Variants in ABCB11 observed in about 807,000 individuals in gnomAD.
ABCB11 encodes the protein bile salt export pump.
In ABCB11, 95 loss-of-function variants were observed where a neutral mutation model predicts 148.0. That is an observed-to-expected ratio of 0.64 (90% CI 0.54 to 0.76). The LOEUF (loss-of-function observed/expected upper bound fraction) is 0.76, where lower values mean the gene tolerates loss of function less well. ABCB11 is among the 30% of genes least tolerant of loss of function. ABCB11 has a pLI of 0.00. For missense variants in ABCB11, 1,523 were observed against 1,617.8 expected (o/e 0.94, Z 1.01); for synonymous variants, 591 against 555.4 (o/e 1.06, Z -0.90).
chr2:168,932,266 T>A (rs1691603852), intron 24 of ABCB11, 111 bp downstream of exon 24: 1 of 925,794 alleles, frequency 1.1e-6, no homozygotes, highest in South Asian at 1.7e-5. Flanking sequence ...GTGTTTGGTT[T>A]TCTGTTCTTG....
intron 26 of ABCB11, 54 bp downstream of exon 26, chr2:168,927,102 C>T: frequency 2.7e-6 from 4 of 1,484,768 alleles, no homozygotes; most frequent in Non-Finnish European, 3.8e-6. Context: ...TCTGGTCATT[C>T]TACTTCTCCC....
rs1558912790 is a variant in ABCB11, at chr2:168,990,879, G to T, written c.830C>A (p.Ala277Glu). 1 of 1,613,146 alleles carries T rather than the reference G, an allele frequency of 6.2e-7. No homozygotes were observed. Among genetic ancestry groups the T allele is most frequent in the Non-Finnish European group, 8.5e-7 (1 of 1,179,384 alleles). Residue 277 changes from alanine (A) to glutamate (E), a missense_variant, in exon 9 of 28, where the codon GCA becomes GAA. By Grantham distance (107) the Ala-to-Glu change is moderately radical (BLOSUM62 -1). Coordinates refer to ENST00000650372, the MANE Select transcript of ABCB11 (RefSeq NM_003742.4). ...TDYELKAYAK[A>E]GVVADEVISS... is the part of the protein sequence containing the mutation. ...AATGACTTCATCAGCCACCACCCCT[G>T]CTTTGGCATAGGCCTTCAGCTCATA... is the stretch of plus-strand genomic sequence containing the variant.
chr2:168,980,188 T>C (rs2287620), intron 10 of ABCB11, among the ~76,000 whole-genome samples: 1 of 151,606 alleles, frequency 6.6e-6, no homozygotes. Context: ...TGATTTAAAA[T>C]ACCACTTTAT....
At chr2:168,989,697 G>A (rs1020788784) in intron 9 of ABCB11, among the ~76,000 whole-genome samples, 4 of 152,144 alleles carry the variant, frequency 2.6e-5, no homozygotes, top group African/African-American at 9.6e-5. Context: ...TGATCTTAGG[G>A]GGAAAAGCTT....
chr2:168,932,372 C>T lies in ABCB11; in HGVS notation c.3213+5G>A. ...TTTATGGCTGCATAGTATTCCAACA[C>T]TTACCCATTTTTCACCTGCAGTATT... On this transcript the variant is annotated splice_donor_5th_base_variant and intron_variant, in intron 24 of 27. Transcript: ENST00000650372. 1 of 1,553,674 alleles carries T rather than the reference C, an allele frequency of 6.4e-7. No homozygotes were observed. Among genetic ancestry groups the T allele is most frequent in the Non-Finnish European group, 8.7e-7 (1 of 1,147,958 alleles).
intron 11 of ABCB11, among the ~76,000 whole-genome samples, chr2:168,978,957 T>A (rs1422050006): frequency 6.6e-6 from 1 of 151,952 alleles, no homozygotes; most frequent in Non-Finnish European, 1.5e-5. Context: ...TGGGCTCAGG[T>A]GACGCGCCCA....
chr2:168,932,362 T>A lies in ABCB11; in HGVS notation c.3213+15A>T, dbSNP rs1345507411. 1 of 1,549,464 alleles carries A rather than the reference T, an allele frequency of 6.5e-7. No homozygotes were observed. The highest frequency in any genetic ancestry group is 8.7e-7 in the Non-Finnish European group (1 of 1,144,962). On this transcript the variant is annotated intron_variant, in intron 24 of 27. Transcript: ENST00000650372. The stretch of plus-strand genomic sequence containing the variant: ...CTCATCCTTTTTTATGGCTGCATAG[T>A]ATTCCAACACTTACCCATTTTTCAC...
chr2:168,937,888 T>C (rs1400234987), intron 21 of ABCB11, among the ~76,000 whole-genome samples: 1 of 152,210 alleles, frequency 6.6e-6, no homozygotes, highest in East Asian at 1.9e-4. Flanking sequence ...ATTATATCTA[T>C]ACTAATCAGA....
Position 168,944,720 on chromosome 2 carries a change from C to T in ABCB11, c.2495G>A (p.Arg832His), listed in dbSNP as rs376255350. 5.6e-6 allele frequency: 9 copies of T among 1,612,778 alleles called. No homozygotes were observed. Among genetic ancestry groups the T allele is most frequent in the South Asian group, 1.1e-5 (1 of 91,030 alleles). ...CAGCATTGCCCTGAAACCAAATTTA[C>T]GTAGCCTTTTTGTTAGGAGCTCCCC... ...KSGELLTKRL[R>H]KFGFRAMLGQ... Residue 832 changes from arginine to histidine, a missense_variant, in exon 21 of 28, where the codon CGT (arginine) becomes CAT (histidine). Coordinates refer to ENST00000650372, the MANE Select transcript of ABCB11 (RefSeq NM_003742.4).
chr2:168,954,513 GT>G (rs952572441), intron 19 of ABCB11, among the ~76,000 whole-genome samples: 69 of 148,708 alleles, frequency 4.6e-4, no homozygotes, highest in Non-Finnish European at 8.5e-4. Context: ...TTGGCTGACA[GT>G]TTTTTTTTTC....
Position 168,970,025 on chromosome 2 carries a change from G to T in ABCB11, c.1809+20C>A, listed in dbSNP as rs1250442298. 1.5e-6 allele frequency: 2 copies of T among 1,377,856 alleles called. No individual in the cohort carries two copies. The highest frequency in any genetic ancestry group is 3.0e-5 in the African/African-American group (2 of 66,986). The allele number at this position is 1,377,856 out of a possible 1,614,324, so 85.4% of individuals were successfully genotyped here. On this transcript the variant is annotated intron_variant, in intron 15 of 27. Transcript: ENST00000650372. ...GCATTTCCACATGGACCTGTAAAAT[G>T]GACTAAGACTTCCACAAACCTTACT...
At chr2:168,997,719 A>G (rs1694759326) in intron 5 of ABCB11, among the ~76,000 whole-genome samples, 1 of 151,738 alleles carries the variant, frequency 6.6e-6, no homozygotes, top group Non-Finnish European at 1.5e-5. Flanking sequence ...TTTTTTCTCT[A>G]TTGAACTCAG....
Position 168,944,657 on chromosome 2 carries a change from C to A in ABCB11, c.2558G>T (p.Ser853Ile), listed in dbSNP as rs1261840691. The stretch of plus-strand genomic sequence containing the variant: ...AAGTCTTGTTGTCAATGCTCCAGGG[C>A]TATTTCTGAGGTCATCAAACCAGGC... ...DIAWFDDLRN[S>I]PGALTTRLAT... Residue 853 changes from serine to isoleucine, a missense_variant, in exon 21 of 28, where the codon AGC (serine) becomes ATC (isoleucine). Ser to Ile is a moderately radical substitution (Grantham distance 142, BLOSUM62 -2). Coordinates refer to ENST00000650372, the MANE Select transcript of ABCB11 (RefSeq NM_003742.4). 5.0e-6 allele frequency: 8 copies of A among 1,612,618 alleles called. No individual in the cohort carries two copies. Among genetic ancestry groups the A allele is most frequent in the Non-Finnish European group, 6.8e-6 (8 of 1,179,110 alleles).
intron 10 of ABCB11, among the ~76,000 whole-genome samples, chr2:168,982,640 G>T (rs1553468553): frequency 6.6e-6 from 1 of 152,008 alleles, no homozygotes; most frequent in Non-Finnish European, 1.5e-5. Context: ...AGCCAGTAAC[G>T]ATTTTGTGTA....
At chr2:168,991,051 T>C (rs1031068645) in intron 8 of ABCB11, 126 bp from the exon 9 acceptor site, 3 of 1,164,200 alleles carry the variant, frequency 2.6e-6, no homozygotes, top group Non-Finnish European at 2.4e-6. Flanking sequence ...TGTAACATCA[T>C]TGACAGGAGG....
At chr2:168,983,527 T>C (rs1176039763) in intron 10 of ABCB11, among the ~76,000 whole-genome samples, 1 of 152,192 alleles carries the variant, frequency 6.6e-6, no homozygotes, top group Non-Finnish European at 1.5e-5. Flanking sequence ...TATTATCATA[T>C]TTATTTTCTT....
Position 168,922,332 on chromosome 2 carries a change from T to G in ABCB11, c.*1290A>C, listed in dbSNP as rs112709039. On this transcript the variant is annotated 3_prime_UTR_variant, in exon 28 of 28. Coordinates refer to ENST00000650372, the MANE Select transcript of ABCB11 (RefSeq NM_003742.4). ...CTAAGTGCAAACCTCCCTGTGAGCC[T>G]CCTCAGAGAGGGAGTATGCAGTTTC... 3.3e-5 allele frequency among the ~76,000 whole-genome samples: 5 copies of G among 152,290 alleles called. No individual in the cohort carries two copies. Among genetic ancestry groups the G allele is most frequent in the African/African-American group, 1.2e-4 (5 of 41,562 alleles).
intron 21 of ABCB11, among the ~76,000 whole-genome samples, chr2:168,942,419 G>T (rs903874746): frequency 6.6e-6 from 1 of 151,478 alleles, no homozygotes; most frequent in African/African-American, 2.4e-5. Context: ...ATAGATAAGA[G>T]AATTTCGAAG....
At chr2:168,945,844 T>C (rs947880508) in intron 19 of ABCB11, among the ~76,000 whole-genome samples, 1 of 151,866 alleles carries the variant, frequency 6.6e-6, no homozygotes, top group Non-Finnish European at 1.5e-5. Flanking sequence ...AAAGAAACTA[T>C]CAAAGCATTG....
Sources: allele counts gnomAD v4.1 joint callset (sites outside exome capture counted in the v4.1 genomes callset), GRCh38; gene constraint gnomAD v4.1.1; transcripts MANE v1.5; gene names NCBI Gene and HGNC (gene_info 2026-07-23, HGNC 2026-07-21).